Variants in SHANK2 observed in about 807,000 individuals in gnomAD.
SHANK2 encodes SH3 and multiple ankyrin repeat domains 2.
A neutral mutation model predicts 133.7 loss-of-function variants in SHANK2; 43 were observed. The observed-to-expected ratio is 0.32, with a 90% confidence interval of 0.25 to 0.41. SHANK2 has a LOEUF of 0.41. SHANK2 is among the 10% of genes least tolerant of loss of function. The pLI is 1.00. For missense variants in SHANK2, 1,994 were observed against 2,235.8 expected (o/e 0.89, Z 2.18); for synonymous variants, 1,017 against 952.8 (o/e 1.07, Z -1.24).
chr11:70,880,045 C>A (rs143425738), intron 11 of SHANK2, among the ~76,000 whole-genome samples: 3 of 152,324 alleles, frequency 2.0e-5, no homozygotes, highest in Non-Finnish European at 4.4e-5. Flanking sequence ...CTCTCCAGTG[C>A]GAGGCCCAGG....
intron 17 of SHANK2, among the ~76,000 whole-genome samples, chr11:70,561,190 G>T (rs7123213): frequency 6.6e-6 from 1 of 151,792 alleles, no homozygotes; most frequent in Non-Finnish European, 1.5e-5. Flanking sequence ...GTCTCACTCC[G>T]TCACCCAGGC....
chr11:71,142,318 T>C (rs1424418569), intron 3 of SHANK2, among the ~76,000 whole-genome samples: 1 of 152,136 alleles, frequency 6.6e-6, no homozygotes, highest in Non-Finnish European at 1.5e-5. Flanking sequence ...CTGGCCAACA[T>C]GGCAAAACAC....
chr11:70,659,844 C>T lies in SHANK2; in HGVS notation c.2045G>A (p.Gly682Glu), dbSNP rs1047434223. 1 of 1,614,162 alleles carries T rather than the reference C, an allele frequency of 6.2e-7. No individual in the cohort carries two copies. Among genetic ancestry groups the T allele is most frequent in the South Asian group, 1.1e-5 (1 of 91,080 alleles). ...GVAWQAGLRT[G>E]DFLIEVNNEN... is the part of the protein sequence containing the mutation. ...TGTCCCTACCTCAATCAAGAAGTCC[C>T]CGGTCCTTAGTCCGGCTTGCCACGC... Residue 682 changes from glycine (G) to glutamate (E), a missense_variant, in exon 17 of 26, where the codon GGG becomes GAG. Physicochemically the swap from Gly to Glu is moderately conservative, Grantham distance 98. This residue lies in a region of SHANK2 where 488 missense variants were observed against 642.6 expected (regional missense o/e 0.76). Coordinates refer to ENST00000601538, the MANE Select transcript of SHANK2 (RefSeq NM_012309.5).
intron 14 of SHANK2, among the ~76,000 whole-genome samples, chr11:70,734,750 G>A (rs1266505485): frequency 1.3e-5 from 2 of 152,212 alleles, no homozygotes; most frequent in East Asian, 3.9e-4. Flanking sequence ...GTGGCCTGGG[G>A]ACCAGCCAGT....
intron 17 of SHANK2, among the ~76,000 whole-genome samples, chr11:70,512,714 C>T (rs2059219186): frequency 6.6e-6 from 1 of 152,128 alleles, no homozygotes; most frequent in Admixed American, 6.5e-5. Flanking sequence ...AGCAGCTGTC[C>T]CCATTACTCT....
intron 8 of SHANK2, among the ~76,000 whole-genome samples, chr11:71,081,511 G>T (rs1053607517): frequency 1.3e-5 from 2 of 152,142 alleles, no homozygotes; most frequent in South Asian, 4.2e-4. Flanking sequence ...GTCTCTTAAA[G>T]ATGTCACCTA....
chr11:71,131,059 G>A (rs1411235549), intron 3 of SHANK2, among the ~76,000 whole-genome samples: 2 of 152,360 alleles, frequency 1.3e-5, no homozygotes, highest in Admixed American at 1.3e-4. Flanking sequence ...CAGGGGCCAC[G>A]GAAAGGTGCG....
chr11:71,135,790 G>A (rs1422767180), intron 3 of SHANK2, among the ~76,000 whole-genome samples: 1 of 152,162 alleles, frequency 6.6e-6, no homozygotes, highest in Non-Finnish European at 1.5e-5. Flanking sequence ...AGACCGGGAA[G>A]AAGTCACAGG....
chr11:70,500,532 TGGGCAGG>T lies in SHANK2; in HGVS notation c.2308+31_2308+37del, dbSNP rs1459342328. 3.5e-5 allele frequency: 56 copies of T among 1,593,192 alleles called. No individual in the cohort carries two copies. Among genetic ancestry groups the T allele is most frequent in the Middle Eastern group, 1.7e-4 (1 of 6,040 alleles). On this transcript the variant is annotated intron_variant, in intron 21 of 25. Coordinates refer to ENST00000601538, the MANE Select transcript of SHANK2 (RefSeq NM_012309.5). This position sits in a 1 kb window ranked among gnomAD's most constrained non-coding sequence, Gnocchi z 4.5. ...ATGTTTCTGTTCCACAGGGGGGTGA[TGGGCAGG>T]GGGCTGAGACAGACACTGGGCCTCC...
chr11:70,795,212 G>C (rs1555048875), intron 14 of SHANK2, among the ~76,000 whole-genome samples: 1 of 151,984 alleles, frequency 6.6e-6, no homozygotes, highest in Non-Finnish European at 1.5e-5. Flanking sequence ...CTGTGTTAGG[G>C]AGAAAGATGG....
At chr11:70,629,321 C>A (rs1338225310) in intron 17 of SHANK2, among the ~76,000 whole-genome samples, 1 of 152,200 alleles carries the variant, frequency 6.6e-6, no homozygotes, top group Non-Finnish European at 1.5e-5. Flanking sequence ...CAGACTGAAA[C>A]CGCCTCTTTC....
At chr11:70,749,017 G>A (rs1333403417) in intron 14 of SHANK2, among the ~76,000 whole-genome samples, 1 of 151,920 alleles carries the variant, frequency 6.6e-6, no homozygotes, top group African/African-American at 2.4e-5. Flanking sequence ...CGACCGACCT[G>A]AGGGTTCTGA....
At chr11:70,545,866 CAG>C (rs1362872365) in intron 17 of SHANK2, among the ~76,000 whole-genome samples, 3 of 152,154 alleles carry the variant, frequency 2.0e-5, no homozygotes, top group Admixed American at 6.5e-5. Context: ...GACTACGAGT[CAG>C]AGCTCCCATA....
At chr11:70,694,809 C>T (rs563856677) in intron 15 of SHANK2, among the ~76,000 whole-genome samples, 4 of 152,282 alleles carry the variant, frequency 2.6e-5, no homozygotes, top group Admixed American at 2.6e-4. Flanking sequence ...TCCCATGCTG[C>T]CTGCCCTCCT....
chr11:71,098,709 T>C (rs573884584), intron 6 of SHANK2, among the ~76,000 whole-genome samples: 6 of 152,204 alleles, frequency 3.9e-5, no homozygotes, highest in East Asian at 1.9e-4. Flanking sequence ...ACCACATTGA[T>C]AGAAATAAGC....
intron 9 of SHANK2, among the ~76,000 whole-genome samples, chr11:71,073,775 C>T (rs896380935): frequency 1.6e-4 from 24 of 152,268 alleles, no homozygotes; most frequent in African/African-American, 5.5e-4. Flanking sequence ...GGAAGGCCTG[C>T]TTTTTTCATG....
At position 70,661,543 on chromosome 11, in the gene SHANK2, AC is replaced by A. The variant is rs1565223387; in HGVS notation, c.1936+52del. The A allele has an allele frequency of 7.5e-4, 676 of 899,238 alleles. 5 individuals carry two copies. In the African/African-American group the frequency reaches 0.011, roughly 14 times the overall value. The allele number at this position is 899,238 out of a possible 1,614,324, so 55.7% of individuals were successfully genotyped here. ...CACACACACACACACACACACACAC[AC>A]ACACACACACAAACATGGGAACATA... On this transcript the variant is annotated intron_variant, in intron 16 of 25. Transcript: ENST00000601538.
intron 9 of SHANK2, among the ~76,000 whole-genome samples, chr11:71,065,566 GGT>G (rs2135947346): frequency 7.3e-6 from 1 of 136,778 alleles, no homozygotes; most frequent in Non-Finnish European, 1.6e-5. Context: ...GAAGTTGAGG[GGT>G]GTGTGCAGAA....
chr11:70,673,203 G>C (rs552883005), intron 15 of SHANK2, among the ~76,000 whole-genome samples: 1 of 151,982 alleles, frequency 6.6e-6, no homozygotes, highest in South Asian at 2.1e-4. Context: ...AGCCTGCAGC[G>C]ACAGGTTTGC....
Sources: allele counts gnomAD v4.1 joint callset (sites outside exome capture counted in the v4.1 genomes callset), GRCh38; gene constraint gnomAD v4.1.1; regional missense constraint gnomAD v4.1.1; non-coding constraint Gnocchi (gnomAD v3.1); transcripts MANE v1.5; gene names NCBI Gene and HGNC (gene_info 2026-07-23, HGNC 2026-07-21).